Variants in PTPN22 observed in about 807,000 individuals in gnomAD.
PTPN22 encodes the protein protein tyrosine phosphatase non-receptor type 22, also known as tyrosine-protein phosphatase non-receptor type 22.
A neutral mutation model predicts 103.3 loss-of-function variants in PTPN22; 85 were observed. The observed-to-expected ratio is 0.82, with a 90% CI of 0.69 to 0.99. PTPN22 has a LOEUF of 0.99. Among genes scored for constraint, PTPN22 ranks in the 50% least tolerant of loss-of-function variants. The pLI, the probability that PTPN22 is intolerant of heterozygous loss-of-function variation, is 0.00. For synonymous variants in PTPN22, 323 were observed against 310.2 expected, an observed-to-expected ratio of 1.04 and a Z score of -0.43; for missense variants, 865 against 936.9, an observed-to-expected ratio of 0.92 and a Z score of 1.00.
chr1:113,842,945 C>CA (rs1277651540), intron 11 of PTPN22, among the ~76,000 whole-genome samples: 2 of 148,288 alleles, frequency 1.3e-5, no homozygotes, highest in Non-Finnish European at 3.0e-5. Flanking sequence ...ACTAAAACTA[C>CA]AAAAAATAGC....
intron 1 of PTPN22, chr1:113,864,224 G>A: frequency 2.2e-6 from 1 of 453,438 alleles, no homozygotes; most frequent in South Asian, 1.6e-5. Flanking sequence ...TATTCAAAGA[G>A]GTCCAGAAAG....
chr1:113,833,227 T>C (rs1351515844), intron 15 of PTPN22, 89 bp from the exon 16 acceptor site: 4 of 920,886 alleles, frequency 4.3e-6, no homozygotes, highest in East Asian at 2.7e-5. Context: ...TTTGAACTTA[T>C]ATGTAATATA....
chr1:113,832,632 T>A (rs576746550), intron 16 of PTPN22, among the ~76,000 whole-genome samples: 1 of 152,300 alleles, frequency 6.6e-6, no homozygotes, highest in East Asian at 1.9e-4. Context: ...TATGACAGTA[T>A]GAATAAATAT....
rs1036795955 is a variant in PTPN22 at position 113,859,259 on chromosome 1, C to T, written c.196+93G>A. ...CAAACTAAGTTGTCAATGCCATGTT[C>T]CAAGATCAGGATCAGTAAGCAATGG... On this transcript the variant is annotated intron_variant, in intron 2 of 20. Coordinates refer to ENST00000359785, the Ensembl canonical transcript of PTPN22. The T allele has an allele frequency of 3.9e-6, 6 of 1,536,558 alleles. No homozygotes were observed. In the South Asian group the frequency reaches 7.0e-5, roughly 18 times the overall value.
At chr1:113,844,553 G>A (rs1253263372) in intron 11 of PTPN22, among the ~76,000 whole-genome samples, 6 of 152,030 alleles carry the variant, frequency 3.9e-5, no homozygotes, top group Non-Finnish European at 7.4e-5. Flanking sequence ...TATATTCTTG[G>A]AGTGACAGCT....
rs1661403638 is a variant in PTPN22 at position 113,819,285 on chromosome 1, A to G, written c.2359+292T>C. 1.1e-5 allele frequency: 2 copies of G among 178,612 alleles called. 1 individual carries two copies. The highest frequency in any genetic ancestry group is 3.7e-4 in the South Asian group (2 of 5,434). The allele number at this position is 178,612 out of a possible 1,614,324, so 11.1% of individuals were successfully genotyped here. A position where few individuals can be genotyped will look rare whatever the true frequency, so the allele number is the denominator to read the frequency against. ...AAATTTGCTTTAGATATGAACCAGA[A>G]TATCACAGCATCTCAATTTCTCCAT... is the stretch of plus-strand genomic sequence containing the variant. On this transcript the variant is annotated intron_variant, in intron 20 of 20. Coordinates refer to ENST00000359785, the Ensembl canonical transcript of PTPN22.
At chr1:113,848,412 A>G (rs150357749) in intron 11 of PTPN22, 128 bp downstream of exon 11, 134 of 1,267,546 alleles carry the variant, frequency 1.1e-4, no homozygotes, top group Admixed American at 7.0e-4. Context: ...TTTTCAGTGC[A>G]GCCCTATGCA....
chr1:113,817,136 C>T (rs1170920058), intron 20 of PTPN22, among the ~76,000 whole-genome samples: 1 of 152,134 alleles, frequency 6.6e-6, no homozygotes, highest in African/African-American at 2.4e-5. Context: ...TAAATAGTTT[C>T]ACACACAATA....
At chr1:113,851,679 T>C (rs1664585343) in intron 10 of PTPN22, among the ~76,000 whole-genome samples, 1 of 152,246 alleles carries the variant, frequency 6.6e-6, no homozygotes, top group African/African-American at 2.4e-5. Context: ...ATGAATTTTA[T>C]CACTACAAAA....
At chr1:113,859,305 T>C (rs1394669018) in intron 2 of PTPN22, 47 bp downstream of exon 2, 1 of 1,572,150 alleles carries the variant, frequency 6.4e-7, no homozygotes, top group South Asian at 1.1e-5. Flanking sequence ...ATAGTAATGA[T>C]TGAATTTGGG....
intron 7 of PTPN22, among the ~76,000 whole-genome samples, chr1:113,855,962 T>C (rs1006629740): frequency 6.6e-5 from 10 of 152,226 alleles, no homozygotes; most frequent in African/African-American, 2.4e-4. Flanking sequence ...TCATTTTATA[T>C]GTGTGCCATG....
chr1:113,829,464 G>T, intron 18 of PTPN22, 128 bp downstream of exon 18: 1 of 530,234 alleles, frequency 1.9e-6, no homozygotes, highest in East Asian at 3.0e-5. Flanking sequence ...AATTTTGACT[G>T]TTATAATATC....
At chr1:113,814,338 G>T (rs1661007636) in exon 21 of PTPN22, 1 of 151,944 alleles carries the variant, frequency 6.6e-6, no homozygotes, top group Non-Finnish European at 1.5e-5. Flanking sequence ...GTCATTATTT[G>T]CACATTTTAT....
chr1:113,859,305 T>G (rs1394669018), intron 2 of PTPN22, 47 bp downstream of exon 2: 1 of 1,572,150 alleles, frequency 6.4e-7, no homozygotes, highest in Non-Finnish European at 8.7e-7. Flanking sequence ...ATAGTAATGA[T>G]TGAATTTGGG....
chr1:113,864,041 G>C (rs1310157889), intron 1 of PTPN22, among the ~76,000 whole-genome samples: 3 of 151,572 alleles, frequency 2.0e-5, no homozygotes, highest in Non-Finnish European at 4.4e-5. Context: ...TGAGATAGGA[G>C]AGTCACTTGC....
intron 12 of PTPN22, 67 bp from the exon 13 acceptor site, chr1:113,838,474 G>T: frequency 6.3e-7 from 1 of 1,595,244 alleles, no homozygotes; most frequent in South Asian, 1.1e-5. Flanking sequence ...GCATCACAAT[G>T]ATGTATAAGC....
At chr1:113,852,835 A>G (rs1664686219) in intron 9 of PTPN22, among the ~76,000 whole-genome samples, 1 of 152,240 alleles carries the variant, frequency 6.6e-6, no homozygotes, top group South Asian at 2.1e-4. Context: ...TATTTGACCT[A>G]TTTTCAGTAT....
chr1:113,864,142 A>T (rs1665900948), intron 1 of PTPN22: 1 of 372,920 alleles, frequency 2.7e-6, no homozygotes, highest in African/African-American at 2.2e-5. Flanking sequence ...CAAACAAAAA[A>T]CTGAAATTGT....
intron 1 of PTPN22, among the ~76,000 whole-genome samples, chr1:113,867,872 G>A (rs1666244900): frequency 6.6e-6 from 1 of 152,200 alleles, no homozygotes; most frequent in Middle Eastern, 3.2e-3. Context: ...CACAGTATCT[G>A]TGGGGGACTG....
Sources: gnomAD v4.1 joint callset for allele counts (sites outside exome capture counted in the v4.1 genomes callset) on GRCh38, gnomAD v4.1.1 for gene constraint, MANE v1.5 for transcripts, NCBI Gene and HGNC (gene_info 2026-07-23, HGNC 2026-07-21) for gene names.